Variants in LATS2 observed in about 807,000 individuals in gnomAD.
The protein encoded by LATS2 is serine/threonine-protein kinase LATS2.
A neutral mutation model predicts 76.0 loss-of-function variants in LATS2; 24 were observed. The ratio of observed to expected loss-of-function variants is 0.32; its 90% CI spans 0.23 to 0.44. LATS2 has a LOEUF of 0.44. LATS2 is among the 20% of genes least tolerant of loss of function. The pLI is 1.00. For missense variants in LATS2, 1,286 were observed against 1,481.2 expected (o/e 0.87, Z 2.16); for synonymous variants, 692 against 635.4 (o/e 1.09, Z -1.34).
At chr13:21,001,999 C>T (rs185118347) in intron 2 of LATS2, among the ~76,000 whole-genome samples, 276 of 151,696 alleles carry the variant, frequency 1.8e-3, no homozygotes, top group African/African-American at 6.0e-3. Context: ...CTGCAAGCTC[C>T]GCCTCCTGGG....
At chr13:20,979,204 A>T (rs1168253252) in intron 7 of LATS2, among the ~76,000 whole-genome samples, 1 of 152,228 alleles carries the variant, frequency 6.6e-6, no homozygotes, top group Middle Eastern at 3.2e-3. Flanking sequence ...ACGCTATGTT[A>T]CTGGTAAGGC....
In LATS2 at chr13:20,987,910, T is replaced by C. The variant is rs922189258; in HGVS notation, c.1870A>G (p.Arg624Gly). ...IKTYQQKVNR[R>G]LQLEQEMAKA... Reference sequence around the variant, plus strand: ...GCCATTTCTTGCTCCAGCTGCAGCCTCCGGTTAACCTTCTGCTGGTAGGTT... The same window carrying C: ...GCCATTTCTTGCTCCAGCTGCAGCCCCCGGTTAACCTTCTGCTGGTAGGTT... The change falls in exon 4 of 8, where the codon AGG (arginine) becomes GGG (glycine). Residue 624 changes from arginine (R) to glycine (G), a missense_variant. By Grantham distance (125) the Arg-to-Gly change is moderately radical. This residue lies in a region of LATS2 where 247 missense variants were observed against 385.4 expected (regional missense o/e 0.64). Coordinates refer to ENST00000382592, the MANE Select transcript of LATS2 (RefSeq NM_014572.3). The C allele has an allele frequency of 6.2e-7, 1 of 1,613,262 alleles. No homozygotes were observed. The highest frequency in any genetic ancestry group is 1.3e-5 in the African/African-American group (1 of 74,918).
At position 20,991,315 on chromosome 13, in the gene LATS2, C is replaced by T. The variant is rs767487018; in HGVS notation, c.432G>A (p.Pro144=). 1.2e-5 allele frequency: 20 copies of T among 1,614,070 alleles called. No individual in the cohort carries two copies. The East Asian group carries it at 1.6e-4, about 13-fold the overall frequency. The stretch of plus-strand genomic sequence containing the variant: ...TGACCCGCACAATCTGCTCATTCCT[C>T]GGGTCCAGGTAGCCCATCTTGCTGA... ...EYISKMGYLD[P]RNEQIVRVIK... The change falls in exon 3 of 8, where the codon CCG becomes CCA. Residue 144 remains proline, a synonymous_variant. Transcript: ENST00000382592. The surrounding 1 kb of genome is among the most constrained non-coding windows in gnomAD (Gnocchi z 4.9).
At position 20,991,132 on chromosome 13, in the gene LATS2, T is replaced by C; in HGVS notation, c.475+140A>G. The C allele has an allele frequency of 9.1e-7, 1 of 1,093,766 alleles. No homozygotes were observed. The highest frequency in any genetic ancestry group is 1.3e-6 in the Non-Finnish European group (1 of 746,902). The allele number at this position is 1,093,766 out of a possible 1,614,324, so 67.8% of individuals were successfully genotyped here. A position where few individuals can be genotyped will look rare whatever the true frequency, so the allele number is the denominator to read the frequency against. On this transcript the variant is annotated intron_variant, in intron 3 of 7. Transcript: ENST00000382592. The surrounding 1 kb of genome is among the most constrained non-coding windows in gnomAD (Gnocchi z 4.9). ...TCTGTCAGGGCAGGGCAGGCTCAGC[T>C]TGCCTGTTAACTGAATGAGGCAATG...
At chr13:21,056,259 G>A (rs994702024) in intron 1 of LATS2, among the ~76,000 whole-genome samples, 9 of 151,842 alleles carry the variant, frequency 5.9e-5, no homozygotes, top group South Asian at 2.1e-4. Context: ...AGCTCGTCTC[G>A]AATTCCTGGA....
At chr13:20,995,585 T>C (rs763944820) in intron 2 of LATS2, among the ~76,000 whole-genome samples, 5 of 152,152 alleles carry the variant, frequency 3.3e-5, no homozygotes, top group Non-Finnish European at 7.3e-5. Context: ...ATAGGATAGA[T>C]GAAAGGAAGA....
At chr13:21,002,374 CTTTT>C (rs549992152) in intron 2 of LATS2, among the ~76,000 whole-genome samples, 4 of 137,236 alleles carry the variant, frequency 2.9e-5, no homozygotes, top group Non-Finnish European at 1.6e-5. Context: ...AATTAATTAA[CTTTT>C]TTTTTTTTTT....
chr13:21,041,497 G>A (rs1402244815), intron 2 of LATS2, among the ~76,000 whole-genome samples: 1 of 152,074 alleles, frequency 6.6e-6, no homozygotes, highest in African/African-American at 2.4e-5. Flanking sequence ...GATAAAGTGG[G>A]GGGAAAGAAC....
intron 2 of LATS2, among the ~76,000 whole-genome samples, chr13:21,025,917 C>A (rs1485153417): frequency 1.3e-5 from 2 of 152,152 alleles, no homozygotes; most frequent in East Asian, 1.9e-4. Context: ...AGATTAGGGA[C>A]CCCTGTTATA....
chr13:21,001,948 C>G (rs1357801089), intron 2 of LATS2, among the ~76,000 whole-genome samples: 7 of 151,504 alleles, frequency 4.6e-5, no homozygotes, highest in Admixed American at 4.6e-4. Context: ...GAGTCTCGCT[C>G]TGTCGCCCAG....
At chr13:20,983,012 A>AAG (rs1232524666) in intron 5 of LATS2, among the ~76,000 whole-genome samples, 22 of 149,188 alleles carry the variant, frequency 1.5e-4, no homozygotes, top group Admixed American at 1.1e-3. Flanking sequence ...AAAAAAAAAA[A>AAG]GTAAACCTGA....
At chr13:21,013,903 T>C (rs1209151149) in intron 2 of LATS2, among the ~76,000 whole-genome samples, 1 of 151,810 alleles carries the variant, frequency 6.6e-6, no homozygotes, top group Non-Finnish European at 1.5e-5. Context: ...CCCAGGAGAT[T>C]GAGGCTGCAG....
Position 21,042,891 on chromosome 13 carries a change from G to C in LATS2, c.342+2794C>G, listed in dbSNP as rs1262310526. On this transcript the variant is annotated intron_variant, in intron 2 of 7. Transcript: ENST00000382592. Reference sequence around the variant, plus strand: ...CCCAGCTACTCAGGAGGCTGAGGCAGGAGAATTGCTTGAACCTGGGAGGCA... The same window carrying C: ...CCCAGCTACTCAGGAGGCTGAGGCACGAGAATTGCTTGAACCTGGGAGGCA... Among the ~76,000 whole-genome samples, 6 of 152,024 alleles carry C rather than the reference G, an allele frequency of 3.9e-5. No individual in the cohort carries two copies. The East Asian group carries it at 5.8e-4, about 15-fold the overall frequency.
rs1056078357 is a variant in LATS2 at position 21,030,382 on chromosome 13, G to A, written c.342+15303C>T. 2.0e-5 allele frequency among the ~76,000 whole-genome samples: 3 copies of A among 152,060 alleles called. No individual in the cohort carries two copies. In the Middle Eastern group the frequency reaches 0.01, roughly 521 times the overall value. On this transcript the variant is annotated intron_variant, in intron 2 of 7. Transcript: ENST00000382592. ...ACACGGGTGGATCACGAGGTCAGGA[G>A]ATCGAGACCATCCTGGCCAACACGG...
rs141913189 is a variant in LATS2 at position 21,050,748 on chromosome 13, G to A, written c.-204-4518C>T. ...TCGGCTCAAGGCCTTGCTTACCATC[G>A]CCGTGCCAAATACGCTGAAGAGCGA... is the stretch of plus-strand genomic sequence containing the variant. On this transcript the variant is annotated intron_variant, in intron 1 of 7. Coordinates refer to ENST00000382592, the MANE Select transcript of LATS2 (RefSeq NM_014572.3). Among the ~76,000 whole-genome samples, 287 of 152,328 alleles carry A rather than the reference G, an allele frequency of 1.9e-3. 2 individuals are homozygous for A. Among genetic ancestry groups the A allele is most frequent in the African/African-American group, 6.5e-3 (271 of 41,582 alleles).
At chr13:21,003,600 C>G (rs965092953) in intron 2 of LATS2, among the ~76,000 whole-genome samples, 4 of 152,106 alleles carry the variant, frequency 2.6e-5, no homozygotes, top group South Asian at 2.1e-4. Context: ...CGCCACCACA[C>G]CCGGCTAATT....
chr13:21,049,260 GGATGGGCA>G (rs1873179405), intron 1 of LATS2, among the ~76,000 whole-genome samples: 1 of 152,200 alleles, frequency 6.6e-6, no homozygotes, highest in African/African-American at 2.4e-5. Context: ...TCAGTGCAGA[GGATGGGCA>G]GTCACTGCCT....
intron 2 of LATS2, among the ~76,000 whole-genome samples, chr13:21,029,933 G>A (rs1337173048): frequency 6.6e-6 from 1 of 151,950 alleles, no homozygotes; most frequent in Non-Finnish European, 1.5e-5. Context: ...AGACCAGCCT[G>A]GCCAACATGG....
intron 1 of LATS2, among the ~76,000 whole-genome samples, chr13:21,056,253 C>T (rs1873446990): frequency 2.6e-5 from 4 of 151,844 alleles, no homozygotes; most frequent in Admixed American, 2.6e-4. Flanking sequence ...CACCCAAGCT[C>T]GTCTCGAATT....
Sources: allele counts gnomAD v4.1 joint callset (sites outside exome capture counted in the v4.1 genomes callset), GRCh38; gene constraint gnomAD v4.1.1; regional missense constraint gnomAD v4.1.1; non-coding constraint Gnocchi (gnomAD v3.1); transcripts MANE v1.5; gene names NCBI Gene and HGNC (gene_info 2026-07-23, HGNC 2026-07-21).